GULP1: variants seen among roughly 807,000 people sequenced by gnomAD.
GULP1 encodes the protein PTB domain-containing engulfment adapter protein 1.
A neutral mutation model predicts 40.9 loss-of-function variants in GULP1; 19 were observed. The observed-to-expected ratio is 0.46, with a 90% CI of 0.32 to 0.68. GULP1 has a LOEUF of 0.68. Ranked by LOEUF, GULP1 falls within the 30% of genes least tolerant of loss-of-function variation. The pLI is 0.03. For missense variants in GULP1, 312 were observed against 362.2 expected, an observed-to-expected ratio of 0.86 and a Z score of 1.12; for synonymous variants, 119 against 117.6, an observed-to-expected ratio of 1.01 and a Z score of -0.08.
intron 7 of GULP1, among the ~76,000 whole-genome samples, chr2:188,551,507 A>T (rs1033408682): frequency 6.6e-6 from 1 of 151,712 alleles, no homozygotes; most frequent in Non-Finnish European, 1.5e-5. Context: ...TGATATCATT[A>T]CTTTTATGGC....
intron 5 of GULP1, among the ~76,000 whole-genome samples, chr2:188,525,299 G>A (rs1035578838): frequency 8.5e-5 from 13 of 152,074 alleles, no homozygotes; most frequent in Admixed American, 7.9e-4. Context: ...GCTGAGGCAG[G>A]AGAATCACTT....
intron 2 of GULP1, among the ~76,000 whole-genome samples, chr2:188,439,572 A>G (rs1405301806): frequency 6.6e-6 from 1 of 152,092 alleles, no homozygotes; most frequent in Non-Finnish European, 1.5e-5. Flanking sequence ...GTACACATAT[A>G]CACACATGCT....
chr2:188,408,726 A>C (rs2053470035), intron 2 of GULP1, among the ~76,000 whole-genome samples: 1 of 152,132 alleles, frequency 6.6e-6, no homozygotes, highest in African/African-American at 2.4e-5. Flanking sequence ...CATTTTTCTC[A>C]AGTGCACGTG....
chr2:188,457,719 C>T (rs1307494314), intron 2 of GULP1, among the ~76,000 whole-genome samples: 1 of 152,120 alleles, frequency 6.6e-6, no homozygotes, highest in Non-Finnish European at 1.5e-5. Flanking sequence ...TTTATCAAGA[C>T]GTCTTTGCCC....
At chr2:188,528,183 A>G (rs900798572) in intron 5 of GULP1, among the ~76,000 whole-genome samples, 1 of 152,150 alleles carries the variant, frequency 6.6e-6, no homozygotes, top group Non-Finnish European at 1.5e-5. Context: ...ACTTTGACAA[A>G]TATTTTTTAG....
chr2:188,555,947 A>G (rs1694632665), intron 7 of GULP1, among the ~76,000 whole-genome samples: 1 of 151,906 alleles, frequency 6.6e-6, no homozygotes, highest in Non-Finnish European at 1.5e-5. Flanking sequence ...AATCCCAGCT[A>G]CTTGGGAGGC....
At chr2:188,379,004 C>T (rs115728862) in intron 1 of GULP1, among the ~76,000 whole-genome samples, 1,736 of 152,266 alleles carry the variant, frequency 0.011, 14 homozygotes, top group Non-Finnish European at 0.02. Context: ...TTCATACACA[C>T]ACTCACACTA....
At chr2:188,489,629 A>G (rs1215149341) in intron 4 of GULP1, among the ~76,000 whole-genome samples, 5 of 151,964 alleles carry the variant, frequency 3.3e-5, no homozygotes, top group Admixed American at 6.6e-5. Flanking sequence ...AATATATACT[A>G]TAATATGTAT....
rs144768689 is a variant in GULP1, at chr2:188,441,982, T to C, written c.-44-35677T>C. On this transcript the variant is annotated intron_variant, in intron 2 of 11. Transcript: ENST00000409830. ...CTTTGGTTTTCAAAAACATAAAAAATAGCCTTTAAAAAATGGCTGAAAAAT... is the reference window on the plus strand; with the variant it reads ...CTTTGGTTTTCAAAAACATAAAAAACAGCCTTTAAAAAATGGCTGAAAAAT... Among the ~76,000 whole-genome samples the C allele has an allele frequency of 4.4e-3, 677 of 152,312 alleles. 5 individuals carry two copies. Among genetic ancestry groups the C allele is most frequent in the African/African-American group, 0.015 (642 of 41,572 alleles).
chr2:188,321,679 A>G (rs1443314357), intron 1 of GULP1, among the ~76,000 whole-genome samples: 1 of 151,370 alleles, frequency 6.6e-6, no homozygotes, highest in Non-Finnish European at 1.5e-5. Flanking sequence ...TTTTTTTTTC[A>G]GTACACATTA....
At chr2:188,568,277 T>C (rs1360745924) in intron 7 of GULP1, among the ~76,000 whole-genome samples, 1 of 152,172 alleles carries the variant, frequency 6.6e-6, no homozygotes, top group Non-Finnish European at 1.5e-5. Flanking sequence ...TTACTACTAG[T>C]CTTCTTGTTA....
chr2:188,449,173 G>C (rs564075771), intron 2 of GULP1, among the ~76,000 whole-genome samples: 9 of 152,188 alleles, frequency 5.9e-5, no homozygotes, highest in African/African-American at 2.2e-4. Flanking sequence ...CTTAAATTTG[G>C]TATTTGTCTT....
chr2:188,363,700 G>T (rs1261460316), intron 1 of GULP1, among the ~76,000 whole-genome samples: 69 of 152,056 alleles, frequency 4.5e-4, no homozygotes, highest in Non-Finnish European at 4.4e-5. Flanking sequence ...AGTAATTGTG[G>T]TTTTTGCCAT....
chr2:188,485,076 T>TA (rs936115105), intron 4 of GULP1, among the ~76,000 whole-genome samples: 1 of 152,156 alleles, frequency 6.6e-6, no homozygotes, highest in Non-Finnish European at 1.5e-5. Context: ...GCTATGATTT[T>TA]AAAATGCATG....
chr2:188,431,868 T>C (rs1237418096), intron 2 of GULP1, among the ~76,000 whole-genome samples: 1 of 151,932 alleles, frequency 6.6e-6, no homozygotes, highest in Non-Finnish European at 1.5e-5. Flanking sequence ...CACAACTTTC[T>C]CTCTTACTTA....
chr2:188,435,646 A>G (rs2057338053), intron 2 of GULP1, among the ~76,000 whole-genome samples: 2 of 152,054 alleles, frequency 1.3e-5, no homozygotes, highest in African/African-American at 2.4e-5. Flanking sequence ...CCAGGCTGAA[A>G]TAAAGGAGTT....
intron 7 of GULP1, among the ~76,000 whole-genome samples, chr2:188,549,801 T>C (rs1692974747): frequency 6.6e-6 from 1 of 151,802 alleles, no homozygotes; most frequent in African/African-American, 2.4e-5. Context: ...ACAATGTGGA[T>C]GACTCTCCAG....
chr2:188,373,475 A>C (rs1404672869), intron 1 of GULP1, among the ~76,000 whole-genome samples: 3 of 151,950 alleles, frequency 2.0e-5, no homozygotes, highest in Non-Finnish European at 4.4e-5. Flanking sequence ...GATATATCTT[A>C]AGTTTCTTAT....
At chr2:188,589,842 C>A in intron 11 of GULP1, 1 of 574,318 alleles carries the variant, frequency 1.7e-6, no homozygotes, top group South Asian at 3.0e-5. Flanking sequence ...AATAAAAATT[C>A]AAACAACAGC....
Sources: allele counts gnomAD v4.1 joint callset (sites outside exome capture counted in the v4.1 genomes callset), GRCh38; gene constraint gnomAD v4.1.1; transcripts MANE v1.5; gene names NCBI Gene and HGNC (gene_info 2026-07-23, HGNC 2026-07-21).